THADA: variants seen among roughly 807,000 people sequenced by gnomAD.
THADA encodes the protein tRNA (32-2'-O)-methyltransferase regulator THADA.
In THADA, 213 loss-of-function variants were observed where a neutral mutation model predicts 219.8. That is an observed-to-expected ratio of 0.97 (90% confidence interval 0.87 to 1.09). THADA has a LOEUF of 1.09. Among genes scored for constraint, THADA ranks in the 50% least tolerant of loss-of-function variants. THADA has a pLI of 0.00. For synonymous variants in THADA, 1,018 were observed against 828.9 expected (o/e 1.23, Z -3.92); for missense variants, 2,956 against 2,311.3 (o/e 1.28, Z -5.72).
chr2:43,242,574 C>T (rs1165288259), intron 36 of THADA, among the ~76,000 whole-genome samples: 3 of 152,144 alleles, frequency 2.0e-5, no homozygotes. Context: ...TCACTACAAC[C>T]TCCATCTCCC....
At chr2:43,399,545 G>T (rs1674521320) in intron 28 of THADA, among the ~76,000 whole-genome samples, 1 of 152,118 alleles carries the variant, frequency 6.6e-6, no homozygotes, top group African/African-American at 2.4e-5. Context: ...AGGGGAAGAG[G>T]AAAAAGAAGT....
chr2:43,510,327 G>A (rs1265057105), intron 22 of THADA, among the ~76,000 whole-genome samples: 1 of 152,018 alleles, frequency 6.6e-6, no homozygotes, highest in East Asian at 1.9e-4. Flanking sequence ...GGTAAAGGTC[G>A]CTTATTATTC....
chr2:43,467,908 G>A (rs2104951029), intron 26 of THADA, among the ~76,000 whole-genome samples: 1 of 152,258 alleles, frequency 6.6e-6, no homozygotes, highest in East Asian at 1.9e-4. Flanking sequence ...ATCTCAATAA[G>A]CCTCCACATC....
chr2:43,311,269 A>G (rs1056528490), intron 31 of THADA, among the ~76,000 whole-genome samples: 2 of 152,222 alleles, frequency 1.3e-5, no homozygotes, highest in Admixed American at 6.5e-5. Context: ...TAGCACTAGA[A>G]AAGATGCTCA....
chr2:43,391,871 G>A (rs935622621), intron 29 of THADA: 3 of 152,150 alleles, frequency 2.0e-5, no homozygotes, highest in African/African-American at 7.2e-5. Flanking sequence ...AGCAACTTAA[G>A]ATTTTTCTCC....
At chr2:43,287,770 G>A (rs939955365) in intron 34 of THADA, among the ~76,000 whole-genome samples, 1 of 152,176 alleles carries the variant, frequency 6.6e-6, no homozygotes, top group Non-Finnish European at 1.5e-5. Flanking sequence ...TGGGCCCATG[G>A]GCACCCAGCT....
chr2:43,391,488 G>A (rs1260142369), intron 29 of THADA, among the ~76,000 whole-genome samples: 1 of 152,160 alleles, frequency 6.6e-6, no homozygotes, highest in Non-Finnish European at 1.5e-5. Context: ...ATAAGGAAGG[G>A]ATTAATTCAT....
chr2:43,509,753 T>C (rs1690156271), intron 22 of THADA, among the ~76,000 whole-genome samples: 1 of 152,166 alleles, frequency 6.6e-6, no homozygotes. Flanking sequence ...GAACAAAATA[T>C]ATAAATAAGA....
chr2:43,443,967 A>G (rs1395597873), intron 26 of THADA, among the ~76,000 whole-genome samples: 1 of 152,142 alleles, frequency 6.6e-6, no homozygotes, highest in Admixed American at 6.6e-5. Context: ...GCCCACAGCC[A>G]GGGCCTGGAC....
intron 26 of THADA, among the ~76,000 whole-genome samples, chr2:43,446,799 C>G (rs531334671): frequency 6.6e-6 from 1 of 152,268 alleles, no homozygotes; most frequent in African/African-American, 2.4e-5. Context: ...AAGGAGCACA[C>G]GATTTACCTT....
At chr2:43,546,441 C>T (rs1270356727) in intron 20 of THADA, among the ~76,000 whole-genome samples, 4 of 152,102 alleles carry the variant, frequency 2.6e-5, no homozygotes, top group Non-Finnish European at 5.9e-5. Flanking sequence ...CTTTCTGTCT[C>T]GTTGATCTGT....
intron 36 of THADA, among the ~76,000 whole-genome samples, chr2:43,248,232 CAGAGAG>C (rs557205792): frequency 1.3e-5 from 1 of 77,890 alleles, no homozygotes; most frequent in Non-Finnish European, 2.6e-5. Context: ...GAGAGAGAGA[CAGAGAG>C]AGAGAGAGAG....
intron 29 of THADA, among the ~76,000 whole-genome samples, chr2:43,380,928 G>A (rs138656729): frequency 1.3e-4 from 19 of 151,728 alleles, no homozygotes; most frequent in African/African-American, 3.6e-4. Flanking sequence ...CTGAAACCCC[G>A]TCTCTACGAA....
chr2:43,403,242 C>T (rs1196935407), intron 28 of THADA, among the ~76,000 whole-genome samples: 1 of 152,108 alleles, frequency 6.6e-6, no homozygotes, highest in East Asian at 1.9e-4. Context: ...TTGGAAAAGC[C>T]GAATGTTTCC....
At chr2:43,580,616 C>A (rs983519077) in intron 8 of THADA, among the ~76,000 whole-genome samples, 14 of 151,880 alleles carry the variant, frequency 9.2e-5, no homozygotes, top group African/African-American at 2.9e-4. Context: ...CGCGGTGGCT[C>A]ACACCTGAGC....
At chr2:43,484,510 C>T (rs1686641244) in intron 26 of THADA, 1 of 169,090 alleles carries the variant, frequency 5.9e-6, no homozygotes, top group Admixed American at 6.6e-5. Flanking sequence ...CTAGTGTTAA[C>T]AACTGCAAGT....
At chr2:43,510,367 T>C (rs1444678802) in intron 22 of THADA, among the ~76,000 whole-genome samples, 5 of 152,170 alleles carry the variant, frequency 3.3e-5, no homozygotes, top group African/African-American at 7.2e-5. Flanking sequence ...GTGATATACA[T>C]ATACACAAAT....
At chr2:43,367,343 TA>T (rs1469369047) in intron 29 of THADA, among the ~76,000 whole-genome samples, 3 of 151,820 alleles carry the variant, frequency 2.0e-5, no homozygotes, top group Non-Finnish European at 2.9e-5. Flanking sequence ...TGTCTTTTTT[TA>T]AAAAAATTTA....
At chr2:43,325,163 C>T (rs1041662155) in intron 30 of THADA, among the ~76,000 whole-genome samples, 8 of 152,188 alleles carry the variant, frequency 5.3e-5, no homozygotes, top group Non-Finnish European at 1.2e-4. Flanking sequence ...GGGAGAGGCA[C>T]AAGGCAGGCA....
Sources: allele counts gnomAD v4.1 joint callset (sites outside exome capture counted in the v4.1 genomes callset), GRCh38; gene constraint gnomAD v4.1.1; transcripts MANE v1.5; gene names NCBI Gene and HGNC (gene_info 2026-07-23, HGNC 2026-07-21).